Variants in PARVB observed in about 807,000 individuals in gnomAD.
PARVB encodes beta-parvin.
A neutral mutation model predicts 47.0 loss-of-function variants in PARVB; 46 were observed. The ratio of observed to expected loss-of-function variants is 0.98; its 90% CI spans 0.77 to 1.25. The LOEUF (loss-of-function observed/expected upper bound fraction) is 1.25. Ranked by LOEUF, PARVB falls within the 50% of genes most tolerant of loss-of-function variation. PARVB has a pLI of 0.00. For missense variants in PARVB, 473 were observed against 471.6 expected, an observed-to-expected ratio of 1.00 and a Z score of -0.03; for synonymous variants, 196 against 196.3, an observed-to-expected ratio of 1.00 and a Z score of 0.01.
chr22:44,090,470 G>C (rs1168869712), intron 1 of PARVB, among the ~76,000 whole-genome samples: 1 of 152,220 alleles, frequency 6.6e-6, no homozygotes, highest in African/African-American at 2.4e-5. Flanking sequence ...TGATGTTCAA[G>C]GGCGGTGTGG....
chr22:44,004,814 G>A (rs1009642486), intron 2 of PARVB, among the ~76,000 whole-genome samples: 7 of 152,156 alleles, frequency 4.6e-5, no homozygotes, highest in Non-Finnish European at 7.3e-5. Flanking sequence ...GCAACACAAC[G>A]TCCGGTTTGT....
intron 1 of PARVB, chr22:44,087,057 G>A (rs920286837): frequency 6.5e-6 from 1 of 153,072 alleles, no homozygotes; most frequent in African/African-American, 2.4e-5. Context: ...CTTTGAGCAG[G>A]ATCAGTTGTA....
At chr22:44,031,161 A>G (rs1272798189) in intron 1 of PARVB, among the ~76,000 whole-genome samples, 1 of 152,174 alleles carries the variant, frequency 6.6e-6, no homozygotes, top group Admixed American at 6.5e-5. Flanking sequence ...TGTTGGTCCA[A>G]GAAGGAAAGG....
intron 1 of PARVB, among the ~76,000 whole-genome samples, chr22:44,025,859 G>A (rs906691464): frequency 6.6e-6 from 1 of 152,198 alleles, no homozygotes; most frequent in South Asian, 2.1e-4. Flanking sequence ...CCTGTGGAGC[G>A]CCCGCCATGG....
chr22:44,101,212 A>G (rs1441384811), intron 3 of PARVB, among the ~76,000 whole-genome samples: 1 of 151,104 alleles, frequency 6.6e-6, no homozygotes, highest in African/African-American at 2.4e-5. Context: ...GATCGAGACC[A>G]TCCTGGCTAA....
chr22:44,157,362 G>A (rs769778631), intron 10 of PARVB, among the ~76,000 whole-genome samples: 1 of 152,218 alleles, frequency 6.6e-6, no homozygotes, highest in Non-Finnish European at 1.5e-5. Flanking sequence ...CCTGGGGTCA[G>A]GAGTGGGGGA....
intron 6 of PARVB, 124 bp from the exon 7 acceptor site, chr22:44,136,336 C>G: frequency 1.2e-6 from 1 of 846,724 alleles, no homozygotes; most frequent in South Asian, 1.4e-5. Flanking sequence ...TCAACACCAC[C>G]CCTCCTTCTC....
At chr22:44,106,879 T>A (rs953080400) in intron 3 of PARVB, 1 of 152,186 alleles carries the variant, frequency 6.6e-6, no homozygotes, top group Non-Finnish European at 1.5e-5. Flanking sequence ...AACTTGTCTC[T>A]GAGCATTGAT....
At position 44,089,102 on chromosome 22, in the gene PARVB, G is replaced by T. The variant is rs890482073; in HGVS notation, c.113-4826G>T. ...CGAGGAGTGCCCGTCTCCAGAGACAGTGTGCCAAGGGGCCCTCCTCCTATC... is the reference window on the plus strand; with the variant it reads ...CGAGGAGTGCCCGTCTCCAGAGACATTGTGCCAAGGGGCCCTCCTCCTATC... On this transcript the variant is annotated intron_variant, in intron 1 of 12. Coordinates refer to ENST00000338758, the MANE Select transcript of PARVB (RefSeq NM_013327.5). This position sits in a 1 kb window ranked among gnomAD's most constrained non-coding sequence, Gnocchi z 4.0. Among the ~76,000 whole-genome samples, 10 of 152,186 alleles carry T rather than the reference G, an allele frequency of 6.6e-5. No homozygotes were observed. Among genetic ancestry groups the T allele is most frequent in the Admixed American group, 2.0e-4 (3 of 15,268 alleles).
chr22:44,101,433 A>T (rs1419989384), intron 3 of PARVB, among the ~76,000 whole-genome samples: 1 of 147,208 alleles, frequency 6.8e-6, no homozygotes, highest in African/African-American at 2.6e-5. Flanking sequence ...ATAAAAAATA[A>T]AATATAAAAT....
chr22:44,109,729 CT>C lies in PARVB; in HGVS notation c.274-9299del, dbSNP rs199796021. The C allele has an allele frequency of 3.2e-4, 48 of 149,764 alleles. No individual in the cohort carries two copies. The East Asian group carries it at 3.5e-3, about 11-fold the overall frequency. 9.3% of individuals were successfully genotyped at this position (149,764 alleles called of 1,614,324 possible). A position where few individuals can be genotyped will look rare whatever the true frequency, so the allele number is the denominator to read the frequency against. ...GACTGGGTTTGAAATCCAGATGTGACTTTTTTTTTTCTTTTTTCAGTTTTCT... is the reference window on the plus strand; with the variant it reads ...GACTGGGTTTGAAATCCAGATGTGACTTTTTTTTTCTTTTTTCAGTTTTCT... On this transcript the variant is annotated intron_variant, in intron 3 of 12. Coordinates refer to ENST00000338758, the MANE Select transcript of PARVB (RefSeq NM_013327.5).
intron 1 of PARVB, among the ~76,000 whole-genome samples, chr22:44,048,883 T>A (rs1221284216): frequency 6.6e-6 from 1 of 152,142 alleles, no homozygotes; most frequent in African/African-American, 2.4e-5. Flanking sequence ...TTAGGTGGGA[T>A]TTCATCATGT....
intron 2 of PARVB, among the ~76,000 whole-genome samples, chr22:44,011,798 C>T (rs757034509): frequency 7.2e-5 from 11 of 152,056 alleles, no homozygotes; most frequent in Non-Finnish European, 1.6e-4. Flanking sequence ...CAAGTTCCCT[C>T]CCACAAAGCC....
intron 11 of PARVB, among the ~76,000 whole-genome samples, chr22:44,160,592 A>T (rs1202022140): frequency 6.6e-6 from 1 of 152,074 alleles, no homozygotes; most frequent in African/African-American, 2.4e-5. Context: ...GTATCCAGGG[A>T]TCTAGGCTCA....
chr22:44,021,318 G>T (rs574933635), upstream of PARVB, among the ~76,000 whole-genome samples: 3 of 152,262 alleles, frequency 2.0e-5, no homozygotes, highest in East Asian at 5.8e-4. Flanking sequence ...ATTTCTCCAC[G>T]GCCAGCTCCA....
At chr22:44,090,360 C>T (rs566214958) in intron 1 of PARVB, among the ~76,000 whole-genome samples, 11 of 152,352 alleles carry the variant, frequency 7.2e-5, no homozygotes, top group East Asian at 3.9e-4. Flanking sequence ...ATAACCAGCC[C>T]CTTCAGAATG....
At chr22:44,008,402 G>C (rs1302225947) in intron 2 of PARVB, among the ~76,000 whole-genome samples, 1 of 152,050 alleles carries the variant, frequency 6.6e-6, no homozygotes, top group Non-Finnish European at 1.5e-5. Context: ...GAGCCACCAC[G>C]CGCGGTCTAG....
At chr22:44,109,006 C>T (rs1304689787) in intron 3 of PARVB, 1 of 152,218 alleles carries the variant, frequency 6.6e-6, no homozygotes, top group Admixed American at 6.5e-5. Context: ...GGGGGTGCGT[C>T]TCCCCCCAAG....
intron 1 of PARVB, among the ~76,000 whole-genome samples, chr22:44,077,401 T>G (rs2051801430): frequency 6.6e-6 from 1 of 152,208 alleles, no homozygotes; most frequent in African/African-American, 2.4e-5. Context: ...AATGACCGAA[T>G]CTGCAACTTG....
Sources: allele counts gnomAD v4.1 joint callset (sites outside exome capture counted in the v4.1 genomes callset), GRCh38; gene constraint gnomAD v4.1.1; non-coding constraint Gnocchi (gnomAD v3.1); transcripts MANE v1.5; gene names NCBI Gene and HGNC (gene_info 2026-07-23, HGNC 2026-07-21).